Variants in CFAP20DC observed in about 807,000 individuals in gnomAD.
CFAP20DC encodes the protein CFAP20 domain containing.
Under a neutral mutation model 101.7 loss-of-function variants are expected in CFAP20DC, and 84 were observed. The ratio of observed to expected loss-of-function variants is 0.83; its 90% CI spans 0.69 to 0.99. CFAP20DC has a LOEUF of 0.99. CFAP20DC is among the 50% of genes least tolerant of loss of function. CFAP20DC has a pLI of 0.00. For missense variants in CFAP20DC, 1,007 were observed against 970.3 expected (o/e 1.04, Z -0.50); for synonymous variants, 359 against 351.2 (o/e 1.02, Z -0.25).
At position 58,874,252 on chromosome 3, in the gene CFAP20DC, T is replaced by C. The variant is rs1173086160; in HGVS notation, c.716-3943A>G. Among the ~76,000 whole-genome samples, 1 of 152,204 alleles carries C rather than the reference T, an allele frequency of 6.6e-6. No individual in the cohort carries two copies. Among genetic ancestry groups the C allele is most frequent in the Non-Finnish European group, 1.5e-5 (1 of 68,042 alleles). ...CCCTGATCTCTCCATATCCCATCCA[T>C]GTCCACTTCCTTCCATCTCCTCCAC... On this transcript the variant is annotated intron_variant, in intron 7 of 16. Transcript: ENST00000482387. The surrounding 1 kb of genome is among the most constrained non-coding windows in gnomAD (Gnocchi z 5.1).
intron 12 of CFAP20DC, among the ~76,000 whole-genome samples, chr3:58,850,694 A>G (rs2078150782): frequency 6.6e-6 from 1 of 152,114 alleles, no homozygotes; most frequent in African/African-American, 2.4e-5. Flanking sequence ...GAGAAAAAAC[A>G]AAAAAGCACA....
chr3:58,763,413 A>G (rs564400907), intron 15 of CFAP20DC, among the ~76,000 whole-genome samples: 1 of 151,896 alleles, frequency 6.6e-6, no homozygotes, highest in African/African-American at 2.4e-5. Flanking sequence ...ACTTCTCTGC[A>G]TTGGTTATTC....
At chr3:58,784,236 T>C (rs2072111605) in intron 15 of CFAP20DC, among the ~76,000 whole-genome samples, 1 of 152,066 alleles carries the variant, frequency 6.6e-6, no homozygotes, top group African/African-American at 2.4e-5. Flanking sequence ...GCTGCACCCA[T>C]GTTGCTAAAA....
At chr3:58,758,205 A>C (rs2069144749) in intron 15 of CFAP20DC, among the ~76,000 whole-genome samples, 1 of 152,138 alleles carries the variant, frequency 6.6e-6, no homozygotes, top group Admixed American at 6.6e-5. Flanking sequence ...TTTAAGCAGA[A>C]ATGTGCAGTC....
chr3:58,850,183 T>G (rs552246856), intron 12 of CFAP20DC, among the ~76,000 whole-genome samples: 1 of 152,262 alleles, frequency 6.6e-6, no homozygotes, highest in East Asian at 1.9e-4. Context: ...AAATGAGAAA[T>G]GTAGTGCTAT....
intron 4 of CFAP20DC, among the ~76,000 whole-genome samples, chr3:59,009,340 C>T (rs999595537): frequency 6.6e-6 from 1 of 151,628 alleles, no homozygotes; most frequent in Non-Finnish European, 1.5e-5. Context: ...CTCTGAATTG[C>T]CAGATAAAAA....
At position 58,827,469 on chromosome 3, in the gene CFAP20DC, G is replaced by A. The variant is rs553911336; in HGVS notation, c.2175+4217C>T. Among the ~76,000 whole-genome samples the A allele has an allele frequency of 2.0e-5, 3 of 152,002 alleles. No individual in the cohort carries two copies. In the East Asian group the frequency reaches 5.8e-4, roughly 30 times the overall value. On this transcript the variant is annotated intron_variant, in intron 14 of 16. Coordinates refer to ENST00000482387, the MANE Select transcript of CFAP20DC (RefSeq NM_001394063.1). Reference sequence around the variant, plus strand: ...AAGCAAAACTCATTTCAAGTGCTACGCAAGCTGACAGAGAAACGAAGGCAC... The same window carrying A: ...AAGCAAAACTCATTTCAAGTGCTACACAAGCTGACAGAGAAACGAAGGCAC...
At chr3:58,815,516 A>G (rs1337165437) in intron 14 of CFAP20DC, among the ~76,000 whole-genome samples, 1 of 150,822 alleles carries the variant, frequency 6.6e-6, no homozygotes, top group South Asian at 2.1e-4. Context: ...ATGGGATCTA[A>G]TTAAACTAAA....
intron 6 of CFAP20DC, among the ~76,000 whole-genome samples, chr3:58,890,351 C>T (rs2082076517): frequency 1.5e-5 from 2 of 137,292 alleles, no homozygotes; most frequent in African/African-American, 5.6e-5. Context: ...GCTGGCCGGG[C>T]AGAGGGGCTC....
intron 13 of CFAP20DC, among the ~76,000 whole-genome samples, chr3:58,833,649 G>A (rs1279558716): frequency 6.6e-6 from 1 of 152,154 alleles, no homozygotes; most frequent in Admixed American, 6.6e-5. Flanking sequence ...AGCCACTTTG[G>A]AAAACAGTTT....
rs532360684 is a variant in CFAP20DC at position 58,995,255 on chromosome 3, C to A, written c.278+44302G>T. Among the ~76,000 whole-genome samples the A allele has an allele frequency of 2.0e-5, 3 of 152,128 alleles. No homozygotes were observed. The East Asian group carries it at 5.8e-4, about 29-fold the overall frequency. ...AGGTTTCCTCCATAATTTATCAAAT[C>A]TATTTTTTAGCCCAAAAAGAGGACT... On this transcript the variant is annotated intron_variant, in intron 4 of 16. Transcript: ENST00000482387.
chr3:58,736,031 C>A (rs546679841), intron 3 of CFAP20DC, among the ~76,000 whole-genome samples: 3 of 152,016 alleles, frequency 2.0e-5, no homozygotes, highest in Admixed American at 1.3e-4. Context: ...AAGTACCTGA[C>A]CTGAGAAGAT....
rs2093340570 is a variant in CFAP20DC at position 59,002,645 on chromosome 3, GT to G, written c.278+36911del. On this transcript the variant is annotated intron_variant, in intron 4 of 16. Transcript: ENST00000482387. This position sits in a 1 kb window ranked among gnomAD's most constrained non-coding sequence, Gnocchi z 4.5. ...ACAAATCTGATCTGATATGTCTGGT[GT>G]TATCTCCAAGTGCAGCAAAAGATGC... Among the ~76,000 whole-genome samples the G allele has an allele frequency of 6.6e-6, 1 of 152,128 alleles. No homozygotes were observed. The highest frequency in any genetic ancestry group is 2.4e-5 in the African/African-American group (1 of 41,432).
At chr3:58,995,975 AATCTATCTATCTATCTATCT>A (rs10688272) in intron 4 of CFAP20DC, among the ~76,000 whole-genome samples, 6 of 145,158 alleles carry the variant, frequency 4.1e-5, no homozygotes, top group Non-Finnish European at 7.5e-5. Flanking sequence ...CTGTATAATA[AATCTATCTATCTATCTATCT>A]ATCTATCTAT....
intron 6 of CFAP20DC, among the ~76,000 whole-genome samples, chr3:58,903,395 A>G (rs1400722133): frequency 1.3e-5 from 2 of 152,142 alleles, no homozygotes; most frequent in Non-Finnish European, 2.9e-5. Context: ...TGAAGAGACT[A>G]TTCTCCTTCT....
intron 3 of CFAP20DC, among the ~76,000 whole-genome samples, chr3:58,733,201 G>A (rs1230877983): frequency 5.3e-5 from 8 of 152,086 alleles, no homozygotes; most frequent in African/African-American, 1.4e-4. Context: ...GCGTGGTGGC[G>A]CATGCCTGTA....
chr3:58,940,110 A>G (rs2088325261), intron 4 of CFAP20DC, among the ~76,000 whole-genome samples: 1 of 152,220 alleles, frequency 6.6e-6, no homozygotes. Flanking sequence ...TCAAACTCCA[A>G]ATGGAGGAAT....
chr3:58,861,353 G>T lies in CFAP20DC; in HGVS notation c.1593+2205C>A. On this transcript the variant is annotated intron_variant, in intron 12 of 16. Transcript: ENST00000482387. This position sits in a 1 kb window ranked among gnomAD's most constrained non-coding sequence, Gnocchi z 4.0. Reference sequence around the variant, plus strand: ...TTTTCCTGAAGTATAATTATACAAAGATAAGGATGTAACATTCTAAAATAA... The same window carrying T: ...TTTTCCTGAAGTATAATTATACAAATATAAGGATGTAACATTCTAAAATAA... 1 of 756,060 alleles carries T rather than the reference G, an allele frequency of 1.3e-6. No homozygotes were observed. The highest frequency in any genetic ancestry group is 1.6e-6 in the Non-Finnish European group (1 of 620,950). 46.8% of individuals were successfully genotyped at this position (756,060 alleles called of 1,614,324 possible).
intron 15 of CFAP20DC, among the ~76,000 whole-genome samples, chr3:58,785,047 T>C (rs1424111625): frequency 6.6e-6 from 1 of 152,082 alleles, no homozygotes; most frequent in Non-Finnish European, 1.5e-5. Flanking sequence ...CATCAACGAA[T>C]GAATGGATAA....
Sources: gnomAD v4.1 joint callset for allele counts (sites outside exome capture counted in the v4.1 genomes callset) on GRCh38, gnomAD v4.1.1 for gene constraint, Gnocchi (gnomAD v3.1) non-coding constraint, MANE v1.5 for transcripts, NCBI Gene and HGNC (gene_info 2026-07-23, HGNC 2026-07-21) for gene names.